Variants in ATP6AP2 observed in about 807,000 individuals in gnomAD.
ATP6AP2 encodes the protein renin receptor.
ATP6AP2 carries 1 observed loss-of-function variant against 23.4 expected under a neutral mutation model. The ratio of observed to expected loss-of-function variants is 0.04; its 90% confidence interval spans 0.02 to 0.20. The LOEUF (loss-of-function observed/expected upper bound fraction) is 0.20, where lower values mean the gene tolerates loss of function less well. Ranked by LOEUF, ATP6AP2 falls within the 10% of genes least tolerant of loss-of-function variation. The pLI is 1.00. For missense variants in ATP6AP2, 174 were observed against 271.3 expected, an observed-to-expected ratio of 0.64 and a Z score of 2.52; for synonymous variants, 90 against 97.1, an observed-to-expected ratio of 0.93 and a Z score of 0.43.
intron 6 of ATP6AP2, chrX:40,598,981 C>T (rs1215008278): frequency 3.6e-5 from 14 of 393,234 alleles, no homozygotes; most frequent in Non-Finnish European, 5.3e-5. Flanking sequence ...GGCGTAAGAA[C>T]ACCCTGGCCA....
intron 3 of ATP6AP2, chrX:40,591,867 C>CA (rs1926639872): frequency 8.0e-6 from 1 of 125,154 alleles, no homozygotes; most frequent in African/African-American, 3.2e-5. Context: ...AAGAATGTCA[C>CA]AAAAAACATT....
intron 1 of ATP6AP2, among the ~76,000 whole-genome samples, chrX:40,585,717 G>A (rs1330907226): frequency 3.6e-5 from 4 of 110,680 alleles, no homozygotes; most frequent in African/African-American, 1.3e-4. Flanking sequence ...TTAGCCAGAC[G>A]TGGTGGTGCG....
At chrX:40,584,378 T>C (rs1180115274) in intron 1 of ATP6AP2, among the ~76,000 whole-genome samples, 1 of 104,774 alleles carries the variant, frequency 9.5e-6, no homozygotes, top group Non-Finnish European at 2.0e-5. Context: ...TTTTTTTTTT[T>C]TTTCCTTTTT....
In ATP6AP2 at chrX:40,602,554, G is replaced by A. The variant is rs78186957; in HGVS notation, c.858+1673G>A. ...AGTCCCAGCTACTTAGGAGTCTGAG[G>A]CAGACAAATCGCTTGAACCCGGGAG... On this transcript the variant is annotated intron_variant, in intron 8 of 8. Transcript: ENST00000636580. 1.0e-4 allele frequency among the ~76,000 whole-genome samples: 11 copies of A among 107,917 alleles called. No individual in the cohort carries two copies. The East Asian group carries it at 3.2e-3, about 32-fold the overall frequency. 93.7% of individuals were successfully genotyped at this position (107,917 alleles called of 115,157 possible). A position where few individuals can be genotyped will look rare whatever the true frequency, so the allele number is the denominator to read the frequency against.
At chrX:40,586,363 A>ACAC (rs1247227724) in intron 1 of ATP6AP2, among the ~76,000 whole-genome samples, 4 of 111,885 alleles carry the variant, frequency 3.6e-5, no homozygotes, top group Non-Finnish European at 7.5e-5. Flanking sequence ...AAAAGACTGA[A>ACAC]CACAGGATTG....
intron 7 of ATP6AP2, chrX:40,599,977 A>G: frequency 5.2e-6 from 2 of 381,425 alleles, no homozygotes; most frequent in Non-Finnish European, 9.2e-6. Flanking sequence ...GCTTTACAAA[A>G]TTATTGTGGT....
chrX:40,585,085 A>G (rs1926431245), intron 1 of ATP6AP2, among the ~76,000 whole-genome samples: 1 of 112,337 alleles, frequency 8.9e-6, no homozygotes, highest in Non-Finnish European at 1.9e-5. Flanking sequence ...ATGGTCAGGT[A>G]TTTTGTAGAC....
rs183846762 is a variant in ATP6AP2 at position 40,598,528 on chromosome X, C to T, written c.535-153C>T. 1,982 of 566,824 alleles carry T rather than the reference C, an allele frequency of 3.5e-3. 6 individuals are homozygous for T. Among genetic ancestry groups the T allele is most frequent in the Non-Finnish European group, 5.1e-3 (1,727 of 339,058 alleles). 46.7% of individuals were successfully genotyped at this position (566,824 alleles called of 1,213,427 possible). A position where few individuals can be genotyped will look rare whatever the true frequency, so the allele number is the denominator to read the frequency against. On this transcript the variant is annotated intron_variant, in intron 5 of 8. Transcript: ENST00000636580. ...GGAAATAATGTTTTATATGCATTTT[C>T]AATTGAAGCAAACATACCAAATGGA...
chrX:40,605,163 C>T (rs904061650), intron 8 of ATP6AP2: 1 of 138,705 alleles, frequency 7.2e-6, no homozygotes, highest in African/African-American at 3.2e-5. Context: ...CTCCTGACCT[C>T]AGGTGATCTG....
intron 3 of ATP6AP2, among the ~76,000 whole-genome samples, chrX:40,594,941 G>A (rs1926740482): frequency 8.9e-6 from 1 of 111,877 alleles, no homozygotes; most frequent in Non-Finnish European, 1.9e-5. Flanking sequence ...GGAAATTAAT[G>A]AGCTAAAGAA....
intron 7 of ATP6AP2, 167 bp from the exon 8 acceptor site, chrX:40,600,595 G>T (rs1926880476): frequency 9.2e-6 from 4 of 434,661 alleles, no homozygotes; most frequent in Non-Finnish European, 1.5e-5. Flanking sequence ...TAAGTAGGAG[G>T]TAATGCATAT....
rs58929123 is a variant in ATP6AP2, at chrX:40,588,334, GC to G, written c.38-637del. 9.4e-3 allele frequency among the ~76,000 whole-genome samples: 117 copies of G among 12,397 alleles called. 2 individuals are homozygous for G. The highest frequency in any genetic ancestry group is 0.039 in the East Asian group (6 of 154). 10.8% of individuals were successfully genotyped at this position (12,397 alleles called of 115,157 possible). A position where few individuals can be genotyped will look rare whatever the true frequency, so the allele number is the denominator to read the frequency against. ...TTATGTTTCTACTTGTGACATGTAT[GC>G]CCCCCCCCCCCCCCAACATTTGACA... On this transcript the variant is annotated intron_variant, in intron 1 of 8. Coordinates refer to ENST00000636580, the MANE Select transcript of ATP6AP2 (RefSeq NM_005765.3).
chrX:40,606,067 C>T lies in ATP6AP2; in HGVS notation c.*312C>T, dbSNP rs1244045217. The T allele has an allele frequency of 1.3e-5, 3 of 232,936 alleles. No homozygotes were observed. The highest frequency in any genetic ancestry group is 2.9e-5 in the African/African-American group (1 of 34,971). The allele number at this position is 232,936 out of a possible 1,213,427, so 19.2% of individuals were successfully genotyped here. A position where few individuals can be genotyped will look rare whatever the true frequency, so the allele number is the denominator to read the frequency against. ...GAAATGTAAAACATTTAGAATAGCT[C>T]GTGTTATGGAAAAAAGTGCACTGAA... On this transcript the variant is annotated 3_prime_UTR_variant, in exon 9 of 9. Transcript: ENST00000636580.
chrX:40,598,575 T>A (rs1014796968), intron 5 of ATP6AP2, 106 bp from the exon 6 acceptor site: 1 of 741,663 alleles, frequency 1.3e-6, no homozygotes. Context: ...TAAATTCACT[T>A]ATATGATCAA....
intron 3 of ATP6AP2, 119 bp downstream of exon 3, chrX:40,591,484 T>C (rs1446290669): frequency 1.8e-5 from 15 of 852,061 alleles, no homozygotes; most frequent in Non-Finnish European, 2.3e-5. Flanking sequence ...CAGTTTCTTT[T>C]GAAATTCTTT....
At chrX:40,584,774 C>G (rs1926423775) in intron 1 of ATP6AP2, among the ~76,000 whole-genome samples, 1 of 111,291 alleles carries the variant, frequency 9.0e-6, no homozygotes, top group Admixed American at 9.5e-5. Context: ...ATCTGTCTAA[C>G]TTGTGTATTT....
At chrX:40,599,558 C>A in intron 6 of ATP6AP2, 34 bp from the exon 7 acceptor site, 2 of 1,207,070 alleles carry the variant, frequency 1.7e-6, no homozygotes, top group Non-Finnish European at 1.1e-6. Context: ...CTTACTTTAT[C>A]CGCTACCTTT....
chrX:40,585,708 T>C (rs1297522193), intron 1 of ATP6AP2, among the ~76,000 whole-genome samples: 1 of 109,903 alleles, frequency 9.1e-6, no homozygotes, highest in East Asian at 2.9e-4. Context: ...ATACACAAGT[T>C]AGCCAGACGT....
chrX:40,605,149 G>A, intron 8 of ATP6AP2: 2 of 132,122 alleles, frequency 1.5e-5, no homozygotes, highest in Non-Finnish European at 3.1e-5. Flanking sequence ...AGGCTGCTCT[G>A]GAACTCCTGA....
Sources: allele counts gnomAD v4.1 joint callset (sites outside exome capture counted in the v4.1 genomes callset), GRCh38; gene constraint gnomAD v4.1.1; transcripts MANE v1.5; gene names NCBI Gene and HGNC (gene_info 2026-07-23, HGNC 2026-07-21).